Variants in PCNX1 observed in about 807,000 individuals in gnomAD.
PCNX1 encodes pecanex 1.
PCNX1 carries 78 observed loss-of-function variants against 242.2 expected under a neutral mutation model. That is an observed-to-expected ratio of 0.32 (90% confidence interval 0.27 to 0.39). PCNX1 has a LOEUF of 0.39. Ranked by LOEUF, PCNX1 falls within the 10% of genes least tolerant of loss-of-function variation. PCNX1 has a pLI of 1.00. For synonymous variants in PCNX1, 1,024 were observed against 1,032.9 expected (o/e 0.99, Z 0.17); for missense variants, 2,581 against 2,856.5 (o/e 0.90, Z 2.20).
At chr14:71,091,749 CAA>C (rs929583512) in intron 30 of PCNX1, among the ~76,000 whole-genome samples, 13 of 152,218 alleles carry the variant, frequency 8.5e-5, no homozygotes, top group East Asian at 7.7e-4. Flanking sequence ...TGTAAACAAA[CAA>C]AGATGCAGTA....
intron 19 of PCNX1, among the ~76,000 whole-genome samples, chr14:71,042,760 T>C (rs747958476): frequency 8.5e-5 from 13 of 152,166 alleles, no homozygotes; most frequent in Non-Finnish European, 1.8e-4. Context: ...TCCCATCATT[T>C]TGTTCATTGT....
chr14:71,012,554 G>A (rs2059848816), intron 10 of PCNX1: 1 of 217,068 alleles, frequency 4.6e-6, no homozygotes. Context: ...AGAGTAGGCT[G>A]GGCGCAGTGG....
At chr14:71,109,337 C>G in intron 34 of PCNX1, 115 bp from the exon 35 acceptor site, 1 of 979,630 alleles carries the variant, frequency 1.0e-6, no homozygotes, top group Middle Eastern at 3.2e-4. Context: ...TTTTTTATTC[C>G]ATTATAGGAA....
chr14:71,073,258 A>G (rs552701840), intron 26 of PCNX1, among the ~76,000 whole-genome samples: 4 of 152,240 alleles, frequency 2.6e-5, no homozygotes, highest in Non-Finnish European at 5.9e-5. Flanking sequence ...AGATCACGCC[A>G]CTGCACTCCA....
intron 8 of PCNX1, among the ~76,000 whole-genome samples, chr14:71,008,411 CT>C (rs2059725699): frequency 6.6e-6 from 1 of 152,092 alleles, no homozygotes; most frequent in South Asian, 2.1e-4. Flanking sequence ...AATCCTAGTA[CT>C]TTGGGAGGCT....
At chr14:71,028,827 G>C (rs778932225) in intron 16 of PCNX1, 36 bp downstream of exon 16, 3 of 1,259,822 alleles carry the variant, frequency 2.4e-6, no homozygotes, top group Admixed American at 4.0e-5. Context: ...TGTCTTTAAG[G>C]CTATATTTCT....
At chr14:71,054,579 A>G (rs1203391824) in intron 24 of PCNX1, among the ~76,000 whole-genome samples, 1 of 152,136 alleles carries the variant, frequency 6.6e-6, no homozygotes, top group Non-Finnish European at 1.5e-5. Flanking sequence ...TTTGGGAAAT[A>G]TCTGTTAAAT....
chr14:71,098,553 T>TGTGTGTGAGTGAGAGAGA (rs60367565), intron 30 of PCNX1, among the ~76,000 whole-genome samples: 97 of 125,724 alleles, frequency 7.7e-4, no homozygotes, highest in Non-Finnish European at 1.4e-3. Context: ...TGTGTGTGTG[T>TGTGTGTGAGTGAGAGAGA]GAGAGAGAGA....
intron 5 of PCNX1, among the ~76,000 whole-genome samples, chr14:70,973,867 GATATA>G (rs1267483826): frequency 1.3e-5 from 2 of 151,524 alleles, no homozygotes; most frequent in Non-Finnish European, 2.9e-5. Flanking sequence ...TTTTTGCTTT[GATATA>G]ATTCAGTGGT....
At chr14:71,040,611 A>T (rs1359700124) in intron 19 of PCNX1, among the ~76,000 whole-genome samples, 2 of 152,128 alleles carry the variant, frequency 1.3e-5, no homozygotes, top group Non-Finnish European at 2.9e-5. Flanking sequence ...TAATAATCAC[A>T]TGGTAAATGG....
At chr14:71,104,348 C>T (rs1012482513) in intron 32 of PCNX1, among the ~76,000 whole-genome samples, 9 of 151,944 alleles carry the variant, frequency 5.9e-5, no homozygotes, top group Admixed American at 2.0e-4. Flanking sequence ...GTTCAATCTC[C>T]GCCCAAACAG....
At chr14:71,048,948 C>T (rs114583156) in intron 22 of PCNX1, 2 of 501,572 alleles carry the variant, frequency 4.0e-6, no homozygotes, top group Non-Finnish European at 5.2e-6. Context: ...TATATCTGTT[C>T]AGTCACTAAT....
rs557456464 is a variant in PCNX1, at chr14:71,038,696, A to G, written c.3867+2539A>G. ...TCAGGGATCTAGAACTAGAAATACC[A>G]TTTGACCCAGCCATTCCATTACTGG... On this transcript the variant is annotated intron_variant, in intron 19 of 35. Transcript: ENST00000304743. 1.8e-4 allele frequency among the ~76,000 whole-genome samples: 28 copies of G among 152,066 alleles called. No homozygotes were observed. In the Middle Eastern group the frequency reaches 0.017, roughly 93 times the overall value.
chr14:71,040,943 C>G (rs1343685637), intron 19 of PCNX1, among the ~76,000 whole-genome samples: 4 of 152,042 alleles, frequency 2.6e-5, no homozygotes, highest in Non-Finnish European at 5.9e-5. Context: ...CTGTACCAGG[C>G]TTATTTCACT....
At chr14:70,928,573 A>G (rs1212329412) in intron 1 of PCNX1, among the ~76,000 whole-genome samples, 1 of 152,254 alleles carries the variant, frequency 6.6e-6, no homozygotes, top group Non-Finnish European at 1.5e-5. Flanking sequence ...ACAAAAGGAA[A>G]TATTAATGAA....
In PCNX1 at chr14:70,978,340, G is replaced by C; in HGVS notation, c.2003G>C (p.Gly668Ala). The C allele has an allele frequency of 6.2e-7, 1 of 1,614,168 alleles. No homozygotes were observed. Among genetic ancestry groups the C allele is most frequent in the Non-Finnish European group, 8.5e-7 (1 of 1,180,022 alleles). ...CACAAAGCTCATTTGGTTCCTGAAG[G>C]AACCAGCAAAAAGCGTGCAACACGA... Reference protein sequence around the residue: ...HTHKAHLVPEGTSKKRATRRT... With the variant: ...HTHKAHLVPEATSKKRATRRT... Residue 668 changes from glycine (G) to alanine (A), a missense_variant, in exon 6 of 36, where the codon GGA becomes GCA. By Grantham distance (60) the Gly-to-Ala change is moderately conservative. Around this residue, in one of 9 missense-constraint regions of PCNX1, gnomAD observed 1,204 missense variants for 1,216.7 expected, o/e 0.99. Transcript: ENST00000304743.
chr14:71,105,298 A>G lies in PCNX1; in HGVS notation c.6159A>G (p.Gly2053=), dbSNP rs1350807397. The change falls in exon 33 of 36, where the codon GGA becomes GGG. Residue 2053 remains glycine, a synonymous_variant. Transcript: ENST00000304743. Reference sequence around the variant, plus strand: ...GCAATATTGAAGATTCTGATACTGGAGGTGGGACTTCCTGCACTGGTAACA... The same window carrying G: ...GCAATATTGAAGATTCTGATACTGGGGGTGGGACTTCCTGCACTGGTAACA... The part of the protein sequence containing the change: ...SGGNIEDSDT[G]GGTSCTGNNA... 2 of 1,614,074 alleles carry G rather than the reference A, an allele frequency of 1.2e-6. No individual in the cohort carries two copies. The highest frequency in any genetic ancestry group is 2.7e-5 in the African/African-American group (2 of 75,030).
Position 71,001,144 on chromosome 14 carries a change from A to G in PCNX1, c.2629+5219A>G, listed in dbSNP as rs1460666227. Among the ~76,000 whole-genome samples the G allele has an allele frequency of 5.3e-5, 6 of 112,704 alleles. No homozygotes were observed. In the Admixed American group the frequency reaches 6.3e-4, roughly 12 times the overall value. 73.9% of individuals were successfully genotyped at this position (112,704 alleles called of 152,430 possible). ...TTTGTCATTATTGATAAAATATTATATCATTATTTAATCAATTAACCCCAT... is the reference window on the plus strand; with the variant it reads ...TTTGTCATTATTGATAAAATATTATGTCATTATTTAATCAATTAACCCCAT... On this transcript the variant is annotated intron_variant, in intron 8 of 35. Transcript: ENST00000304743.
At chr14:70,974,518 G>A (rs2058637770) in intron 5 of PCNX1, among the ~76,000 whole-genome samples, 1 of 151,930 alleles carries the variant, frequency 6.6e-6, no homozygotes, top group Non-Finnish European at 1.5e-5. Flanking sequence ...AATTATTAGT[G>A]GACCACATAT....
Sources: gnomAD v4.1 joint callset for allele counts (sites outside exome capture counted in the v4.1 genomes callset) on GRCh38, gnomAD v4.1.1 for gene constraint, gnomAD v4.1.1 regional missense constraint, MANE v1.5 for transcripts, NCBI Gene and HGNC (gene_info 2026-07-23, HGNC 2026-07-21) for gene names.